The following RNLS variants were observed in gnomAD, a reference collection of about 807,000 sequenced individuals.
RNLS encodes renalase.
A neutral mutation model predicts 39.8 loss-of-function variants in RNLS; 39 were observed. The observed-to-expected ratio is 0.98, with a 90% CI of 0.76 to 1.28. The LOEUF (loss-of-function observed/expected upper bound fraction) is 1.28. RNLS is among the 50% of genes most tolerant of loss of function. The pLI, the probability that RNLS is intolerant of heterozygous loss-of-function variation, is 0.00. For missense variants in RNLS, 410 were observed against 413.3 expected (o/e 0.99, Z 0.07); for synonymous variants, 147 against 150.7 (o/e 0.98, Z 0.18).
intron 4 of RNLS, among the ~76,000 whole-genome samples, chr10:88,380,542 ATT>A (rs561229821): frequency 2.9e-5 from 4 of 139,520 alleles, no homozygotes; most frequent in South Asian, 2.3e-4. Flanking sequence ...TGCCCAGCTA[ATT>A]TTTTTTTTTT....
intron 4 of RNLS, among the ~76,000 whole-genome samples, chr10:88,502,191 A>G (rs951690634): frequency 3.9e-5 from 6 of 152,162 alleles, no homozygotes; most frequent in Non-Finnish European, 7.4e-5. Flanking sequence ...ATTCTAAATT[A>G]TAATGGCTAC....
At chr10:88,310,824 A>AAAAAAAAAAAAAAAAAAAAAAACAAAAG (rs1217903555) in intron 6 of RNLS, among the ~76,000 whole-genome samples, 1 of 113,410 alleles carries the variant, frequency 8.8e-6, no homozygotes, top group Admixed American at 9.8e-5. Context: ...AAAAAAAAAA[A>AAAAAAAAAAAAAAAAAAAAAAACAAAAG]AAAGAAAGAA....
chr10:88,179,566 T>A, the RNLS span, among the ~76,000 whole-genome samples: 1 of 152,346 alleles, frequency 6.6e-6, no homozygotes, highest in South Asian at 2.1e-4. Flanking sequence ...AACCTCAGAA[T>A]AGTCTTTGAA....
chr10:88,483,421 T>G (rs949558141), intron 4 of RNLS, among the ~76,000 whole-genome samples: 6 of 152,138 alleles, frequency 3.9e-5, no homozygotes, highest in Admixed American at 3.9e-4. Context: ...AAAATTTCTC[T>G]TTTTTATTTC....
intron 4 of RNLS, among the ~76,000 whole-genome samples, chr10:88,505,932 T>C (rs1027277257): frequency 6.6e-6 from 1 of 152,146 alleles, no homozygotes; most frequent in Non-Finnish European, 1.5e-5. Context: ...AGCATGGGTA[T>C]TAACTTACAG....
At chr10:88,466,626 C>A (rs1844751943) in intron 4 of RNLS, among the ~76,000 whole-genome samples, 1 of 152,166 alleles carries the variant, frequency 6.6e-6, no homozygotes, top group South Asian at 2.1e-4. Flanking sequence ...AAGAATGGAA[C>A]TGTGTCCCAC....
rs1362971821 is a variant in RNLS, at chr10:88,581,292, G to GTA, written c.367+274_367+275insTA. On this transcript the variant is annotated intron_variant, in intron 3 of 6. Coordinates refer to ENST00000331772, the MANE Select transcript of RNLS (RefSeq NM_001031709.3). ...GAAATATATATGTATGTGTGTGTGT[G>GTA]TGTATATATATATATATATATATAC... 5.9e-3 allele frequency among the ~76,000 whole-genome samples: 721 copies of GTA among 122,014 alleles called. 4 individuals carry two copies. The highest frequency in any genetic ancestry group is 0.023 in the African/African-American group (654 of 28,102). The allele number at this position is 122,014 out of a possible 152,430, so 80.0% of individuals were successfully genotyped here. A position where few individuals can be genotyped will look rare whatever the true frequency, so the allele number is the denominator to read the frequency against.
the RNLS span, among the ~76,000 whole-genome samples, chr10:88,223,634 G>T: frequency 1.3e-5 from 2 of 152,180 alleles, no homozygotes; most frequent in Non-Finnish European, 2.9e-5. Flanking sequence ...ATACAGGAAA[G>T]TGTACTTTCT....
At chr10:88,480,544 C>A (rs1019798925) in intron 4 of RNLS, among the ~76,000 whole-genome samples, 2 of 152,238 alleles carry the variant, frequency 1.3e-5, no homozygotes, top group Admixed American at 6.5e-5. Flanking sequence ...GCCTCAGCCT[C>A]CCAAGTAGCT....
intron 4 of RNLS, among the ~76,000 whole-genome samples, chr10:88,373,519 TATGCTTTC>T (rs1850731883): frequency 6.6e-6 from 1 of 152,178 alleles, no homozygotes; most frequent in South Asian, 2.1e-4. Flanking sequence ...ATTTTAAAAT[TATGCTTTC>T]ATAACTAACA....
chr10:88,191,940 G>C, the RNLS span, among the ~76,000 whole-genome samples: 2 of 151,630 alleles, frequency 1.3e-5, no homozygotes, highest in Non-Finnish European at 2.9e-5. Context: ...CTACTGTGGC[G>C]TCTTCAGCTT....
At chr10:88,499,748 A>G (rs1409682925) in intron 4 of RNLS, among the ~76,000 whole-genome samples, 1 of 152,098 alleles carries the variant, frequency 6.6e-6, no homozygotes, top group East Asian at 1.9e-4. Context: ...CCACCTGGGC[A>G]ATCAACTTCT....
chr10:88,230,443 A>C, the RNLS span, among the ~76,000 whole-genome samples: 1 of 152,012 alleles, frequency 6.6e-6, no homozygotes, highest in Non-Finnish European at 1.5e-5. Context: ...TGCTGACATT[A>C]CTTCTCAGCC....
the RNLS span, among the ~76,000 whole-genome samples, chr10:88,237,700 G>A: frequency 6.6e-6 from 1 of 152,122 alleles, no homozygotes; most frequent in African/African-American, 2.4e-5. Context: ...GCTGCTATAT[G>A]GCACAAATAA....
chr10:88,528,691 C>A (rs534504900), intron 4 of RNLS, among the ~76,000 whole-genome samples: 1 of 151,598 alleles, frequency 6.6e-6, no homozygotes, highest in South Asian at 2.1e-4. Context: ...ACTAAAAATA[C>A]AAATTACAAA....
intron 4 of RNLS, among the ~76,000 whole-genome samples, chr10:88,548,802 T>C (rs1272300050): frequency 1.3e-5 from 2 of 151,480 alleles, no homozygotes; most frequent in Non-Finnish European, 2.9e-5. Context: ...TCCATAATTC[T>C]ATAATTCTGA....
At chr10:88,501,643 C>T (rs1480517825) in intron 4 of RNLS, among the ~76,000 whole-genome samples, 1 of 152,114 alleles carries the variant, frequency 6.6e-6, no homozygotes, top group African/African-American at 2.4e-5. Context: ...TGCGTTAGTT[C>T]TTAAAATATC....
intron 4 of RNLS, among the ~76,000 whole-genome samples, chr10:88,411,958 G>A (rs1008451394): frequency 3.3e-5 from 5 of 152,084 alleles, no homozygotes; most frequent in African/African-American, 7.2e-5. Flanking sequence ...AGTAAAGGGC[G>A]AAGGAAGCTT....
intron 5 of RNLS, among the ~76,000 whole-genome samples, chr10:88,350,384 C>G (rs1205153671): frequency 1.3e-5 from 2 of 152,122 alleles, no homozygotes; most frequent in African/African-American, 4.8e-5. Context: ...CTCCCCCCTC[C>G]TCCCACCCCA....
Sources: gnomAD v4.1 joint callset for allele counts (sites outside exome capture counted in the v4.1 genomes callset) on GRCh38, gnomAD v4.1.1 for gene constraint, MANE v1.5 for transcripts, NCBI Gene and HGNC (gene_info 2026-07-23, HGNC 2026-07-21) for gene names.